The following KCNK10 variants were observed in gnomAD, a reference collection of about 807,000 sequenced individuals.
KCNK10 encodes potassium channel subfamily K member 10.
KCNK10 carries 25 observed loss-of-function variants against 47.7 expected under a neutral mutation model. That is an observed-to-expected ratio of 0.52 (90% confidence interval 0.38 to 0.73). KCNK10 has a LOEUF of 0.73. Ranked by LOEUF, KCNK10 falls within the 30% of genes least tolerant of loss-of-function variation. The probability of loss-of-function intolerance (pLI) is 0.00; values close to 1 mark genes in which losing one functional copy is unlikely to be tolerated. For synonymous variants in KCNK10, 303 were observed against 285.6 expected (o/e 1.06, Z -0.61); for missense variants, 563 against 714.5 (o/e 0.79, Z 2.42).
chr14:88,253,804 A>G (rs1886865945), intron 2 of KCNK10, among the ~76,000 whole-genome samples: 1 of 152,210 alleles, frequency 6.6e-6, no homozygotes, highest in Non-Finnish European at 1.5e-5. Flanking sequence ...AGGCTGAGGC[A>G]GGAGAATCAC....
chr14:88,304,191 T>C (rs1566719755), intron 1 of KCNK10, among the ~76,000 whole-genome samples: 1 of 152,136 alleles, frequency 6.6e-6, no homozygotes, highest in East Asian at 1.9e-4. Flanking sequence ...GGCATGTTCC[T>C]GTAGTCCTAG....
intron 4 of KCNK10, among the ~76,000 whole-genome samples, chr14:88,197,859 GGAGAGAGA>G (rs71126969): frequency 0.24 from 29,858 of 125,112 alleles, 4,024 homozygotes; most frequent in Non-Finnish European, 0.32. Flanking sequence ...AGGAGGGAAG[GGAGAGAGA>G]GAGAGAGAGA....
intron 1 of KCNK10, among the ~76,000 whole-genome samples, chr14:88,272,840 A>G (rs1473402635): frequency 1.3e-5 from 2 of 152,190 alleles, no homozygotes; most frequent in Non-Finnish European, 2.9e-5. Context: ...AGGAGGAGTC[A>G]GAGACAAGGC....
chr14:88,192,069 C>T (rs1884765464), intron 5 of KCNK10, among the ~76,000 whole-genome samples, 155 bp downstream of exon 5: 1 of 152,192 alleles, frequency 6.6e-6, no homozygotes, highest in Admixed American at 6.5e-5. Context: ...TTACATAGGA[C>T]TAGGGATTTG....
chr14:88,198,732 A>T (rs1885001741), intron 4 of KCNK10, among the ~76,000 whole-genome samples: 2 of 152,196 alleles, frequency 1.3e-5, no homozygotes, highest in South Asian at 4.2e-4. Context: ...CTGTTAACCC[A>T]GCCCCTTCCT....
intron 5 of KCNK10, among the ~76,000 whole-genome samples, chr14:88,191,939 A>G (rs140748584): frequency 3.9e-5 from 6 of 152,212 alleles, no homozygotes; most frequent in African/African-American, 1.4e-4. Context: ...GAAGTTCAAG[A>G]TTTAATGAGA....
intron 1 of KCNK10, among the ~76,000 whole-genome samples, chr14:88,275,728 A>T (rs1887513078): frequency 6.7e-6 from 1 of 150,226 alleles, no homozygotes; most frequent in Admixed American, 6.6e-5. Flanking sequence ...TTAGCCAGGC[A>T]TAGTGGTGCA....
At chr14:88,197,496 C>T (rs936199069) in intron 4 of KCNK10, among the ~76,000 whole-genome samples, 2 of 137,358 alleles carry the variant, frequency 1.5e-5, no homozygotes, top group African/African-American at 2.7e-5. Context: ...ATCACTTGAA[C>T]CCGGGAGGCA....
At position 88,322,977 on chromosome 14, in the gene KCNK10, G is replaced by A; in HGVS notation, c.-179C>T. ...GGTGGGAAAATATTAGCTTGGGGGA[G>A]AACTGGAGAGGGCTTGGGTGTTTGC... is the stretch of plus-strand genomic sequence containing the variant. On this transcript the variant is annotated 5_prime_UTR_variant, in exon 1 of 7. Transcript: ENST00000319231. This position sits in a 1 kb window ranked among gnomAD's most constrained non-coding sequence, Gnocchi z 4.8. 1 of 1,441,942 alleles carries A rather than the reference G, an allele frequency of 6.9e-7. No individual in the cohort carries two copies. Among genetic ancestry groups the A allele is most frequent in the Admixed American group, 2.5e-5 (1 of 40,774 alleles). The allele number at this position is 1,441,942 out of a possible 1,614,324, so 89.3% of individuals were successfully genotyped here. A position where few individuals can be genotyped will look rare whatever the true frequency, so the allele number is the denominator to read the frequency against.
rs866389497 is a variant in KCNK10 at position 88,185,603 on chromosome 14, C to T, written c.1564G>A (p.Gly522Arg). The part of the protein sequence containing the change: ...CIQQHAELEN[G>R]MIPTDTKDRE... ...TCTTTGGTGTCCGTGGGTATCATTC[C>T]GTTCTCCAACTCAGCGTGCTGCTGG... The change falls in exon 7 of 7, where the codon GGA becomes AGA. Residue 522 changes from glycine (G) to arginine (R), a missense_variant. Physicochemically the swap from Gly to Arg is moderately radical, Grantham distance 125 (BLOSUM62 -2). Transcript: ENST00000319231. This position sits in a 1 kb window ranked among gnomAD's most constrained non-coding sequence, Gnocchi z 4.3. The T allele has an allele frequency of 5.6e-6, 9 of 1,614,114 alleles. No homozygotes were observed. The highest frequency in any genetic ancestry group is 2.2e-5 in the South Asian group (2 of 91,076).
upstream of KCNK10, chr14:88,326,513 T>A (rs976725602): frequency 7.3e-7 from 1 of 1,366,702 alleles, no homozygotes; most frequent in African/African-American, 1.4e-5. Context: ...GCAACTTCCA[T>A]GGCTATTGCT....
At chr14:88,303,272 C>T (rs947506400) in intron 1 of KCNK10, among the ~76,000 whole-genome samples, 4 of 152,102 alleles carry the variant, frequency 2.6e-5, no homozygotes, top group African/African-American at 7.2e-5. Context: ...AGTCAATGTC[C>T]GTATTGTGTA....
chr14:88,188,953 G>T (rs1884657356), intron 5 of KCNK10, among the ~76,000 whole-genome samples: 1 of 152,212 alleles, frequency 6.6e-6, no homozygotes, highest in Non-Finnish European at 1.5e-5. Context: ...CCGTCCTAAA[G>T]AAGTGAGGAA....
At chr14:88,287,746 C>G (rs1381293669) in intron 1 of KCNK10, among the ~76,000 whole-genome samples, 1 of 150,326 alleles carries the variant, frequency 6.7e-6, no homozygotes, top group East Asian at 2.0e-4. Context: ...TTCATCCACT[C>G]ATTGATTGAT....
chr14:88,276,686 T>C (rs1887533893), intron 1 of KCNK10, among the ~76,000 whole-genome samples: 2 of 152,354 alleles, frequency 1.3e-5, no homozygotes, highest in South Asian at 4.1e-4. Context: ...AATATCCCTG[T>C]ATAATATTCC....
intron 4 of KCNK10, among the ~76,000 whole-genome samples, chr14:88,203,917 A>C (rs1325395354): frequency 6.6e-6 from 1 of 152,194 alleles, no homozygotes; most frequent in Non-Finnish European, 1.5e-5. Context: ...GGTAGGTAGC[A>C]GGTGGGAGGG....
At chr14:88,257,275 C>G (rs1886982358) in intron 2 of KCNK10, among the ~76,000 whole-genome samples, 1 of 152,174 alleles carries the variant, frequency 6.6e-6, no homozygotes, top group Non-Finnish European at 1.5e-5. Context: ...TCGCTTAAAG[C>G]TTTCAGTGAC....
At chr14:88,297,765 C>T (rs888562974) in intron 1 of KCNK10, among the ~76,000 whole-genome samples, 6 of 152,088 alleles carry the variant, frequency 3.9e-5, no homozygotes, top group Non-Finnish European at 8.8e-5. Context: ...TCAGGATTGG[C>T]GCATTTCATC....
At chr14:88,187,227 CA>C (rs1884594456) in intron 6 of KCNK10, among the ~76,000 whole-genome samples, 1 of 152,138 alleles carries the variant, frequency 6.6e-6, no homozygotes, top group Non-Finnish European at 1.5e-5. Context: ...CAGAATGAAG[CA>C]AACAGAGGCT....
Sources: allele counts gnomAD v4.1 joint callset (sites outside exome capture counted in the v4.1 genomes callset), GRCh38; gene constraint gnomAD v4.1.1; non-coding constraint Gnocchi (gnomAD v3.1); transcripts MANE v1.5; gene names NCBI Gene and HGNC (gene_info 2026-07-23, HGNC 2026-07-21).